ARHGAP15: variants seen among roughly 807,000 people sequenced by gnomAD.
ARHGAP15 encodes Rho GTPase activating protein 15.
ARHGAP15 carries 51 observed loss-of-function variants against 63.7 expected under a neutral mutation model. The observed-to-expected ratio is 0.80, with a 90% CI of 0.64 to 1.01. The LOEUF is 1.01. Ranked by LOEUF, ARHGAP15 falls within the 50% of genes least tolerant of loss-of-function variation. The pLI, the probability that ARHGAP15 is intolerant of heterozygous loss-of-function variation, is 0.00. For missense variants in ARHGAP15, 560 were observed against 564.6 expected (o/e 0.99, Z 0.08); for synonymous variants, 191 against 193.8 (o/e 0.99, Z 0.12).
At chr2:143,558,172 GT>G (rs1695886192) in intron 11 of ARHGAP15, among the ~76,000 whole-genome samples, 1 of 152,136 alleles carries the variant, frequency 6.6e-6, no homozygotes, top group Non-Finnish European at 1.5e-5. Context: ...TCCTCTGAAT[GT>G]TTTTCATAAT....
At chr2:143,197,879 G>T (rs1043390163) in intron 2 of ARHGAP15, among the ~76,000 whole-genome samples, 1 of 151,870 alleles carries the variant, frequency 6.6e-6, no homozygotes, top group African/African-American at 2.4e-5. Flanking sequence ...AAATTCATAA[G>T]TCTGACTCTA....
intron 12 of ARHGAP15, among the ~76,000 whole-genome samples, chr2:143,686,923 G>A (rs527937109): frequency 6.6e-6 from 1 of 152,226 alleles, no homozygotes; most frequent in East Asian, 1.9e-4. Flanking sequence ...TTGTGTTCCC[G>A]TGGACTAGAA....
chr2:143,424,354 G>T (rs959961140), intron 6 of ARHGAP15, among the ~76,000 whole-genome samples: 7 of 152,088 alleles, frequency 4.6e-5, no homozygotes, highest in Non-Finnish European at 1.5e-5. Flanking sequence ...TTACACATTA[G>T]GGATCTATTA....
At chr2:143,394,688 C>T (rs1360909502) in intron 6 of ARHGAP15, among the ~76,000 whole-genome samples, 1 of 151,984 alleles carries the variant, frequency 6.6e-6, no homozygotes, top group African/African-American at 2.4e-5. Flanking sequence ...TTTTTAAATC[C>T]TAGTTGAGGA....
At chr2:143,461,558 G>A (rs893677326) in intron 8 of ARHGAP15, among the ~76,000 whole-genome samples, 1 of 152,032 alleles carries the variant, frequency 6.6e-6, no homozygotes, top group Non-Finnish European at 1.5e-5. Context: ...GAGAAAATTG[G>A]TTTTACTCCC....
chr2:143,720,354 A>G (rs1170183316), intron 13 of ARHGAP15, among the ~76,000 whole-genome samples: 1 of 152,184 alleles, frequency 6.6e-6, no homozygotes, highest in Admixed American at 6.5e-5. Context: ...CGCCGAGGTT[A>G]ACAATCCCTT....
At chr2:143,345,082 ATTTTTTAACT>A (rs1270495973) in intron 6 of ARHGAP15, among the ~76,000 whole-genome samples, 2 of 152,110 alleles carry the variant, frequency 1.3e-5, no homozygotes, top group African/African-American at 4.8e-5. Flanking sequence ...CATTTACCAC[ATTTTTTAACT>A]TTATACTGTT....
At chr2:143,552,064 G>A (rs1304414050) in intron 10 of ARHGAP15, among the ~76,000 whole-genome samples, 2 of 152,178 alleles carry the variant, frequency 1.3e-5, no homozygotes, top group Non-Finnish European at 2.9e-5. Flanking sequence ...GCCGGAGGGA[G>A]AAGCCAGAAG....
chr2:143,202,820 G>C (rs191761553), intron 3 of ARHGAP15, among the ~76,000 whole-genome samples: 1 of 151,972 alleles, frequency 6.6e-6, no homozygotes, highest in Non-Finnish European at 1.5e-5. Flanking sequence ...CTCAACATCC[G>C]TAAGAATGGC....
At chr2:143,416,225 C>T (rs1268661405) in intron 6 of ARHGAP15, among the ~76,000 whole-genome samples, 1 of 151,100 alleles carries the variant, frequency 6.6e-6, no homozygotes, top group Non-Finnish European at 1.5e-5. Context: ...ACATCCTTCA[C>T]ATGTACCCTG....
intron 6 of ARHGAP15, among the ~76,000 whole-genome samples, chr2:143,408,234 TTCC>T (rs1248850613): frequency 4.0e-5 from 6 of 149,714 alleles, no homozygotes; most frequent in Non-Finnish European, 8.9e-5. Context: ...TCCTCCCTTC[TTCC>T]TCCTCCTTTT....
intron 12 of ARHGAP15, among the ~76,000 whole-genome samples, chr2:143,681,694 T>A (rs1292065579): frequency 6.6e-6 from 1 of 152,230 alleles, no homozygotes; most frequent in East Asian, 1.9e-4. Flanking sequence ...TCAGACAATA[T>A]GGTCAATGAG....
intron 2 of ARHGAP15, among the ~76,000 whole-genome samples, chr2:143,174,000 C>A (rs1471631389): frequency 6.6e-6 from 1 of 152,062 alleles, no homozygotes; most frequent in Non-Finnish European, 1.5e-5. Flanking sequence ...GATATGCATT[C>A]TCTTATTGAA....
chr2:143,236,636 AT>A (rs1693662780), intron 5 of ARHGAP15: 1 of 152,172 alleles, frequency 6.6e-6, no homozygotes, highest in Admixed American at 6.5e-5. Context: ...TTTGGACAGG[AT>A]TTGAAATATA....
chr2:143,617,177 C>T (rs1281942871), intron 11 of ARHGAP15, among the ~76,000 whole-genome samples: 1 of 152,144 alleles, frequency 6.6e-6, no homozygotes, highest in East Asian at 1.9e-4. Context: ...AATTATTTTT[C>T]TTCAAATGGA....
In ARHGAP15 at chr2:143,759,766, C is replaced by T. The variant is rs565817594; in HGVS notation, c.1245-8223C>T. On this transcript the variant is annotated intron_variant, in intron 13 of 13. Coordinates refer to ENST00000295095, the MANE Select transcript of ARHGAP15 (RefSeq NM_018460.4). Reference sequence around the variant, plus strand: ...AATCTCCCTTCCTTAGAGAGGGCTTCCCTGAGCACTCCGTCTAATACACGT... The same window carrying T: ...AATCTCCCTTCCTTAGAGAGGGCTTTCCTGAGCACTCCGTCTAATACACGT... Among the ~76,000 whole-genome samples the T allele has an allele frequency of 6.1e-4, 93 of 152,256 alleles. 1 individual carries two copies. The highest frequency in any genetic ancestry group is 3.4e-3 in the Middle Eastern group (1 of 294).
At chr2:143,498,378 A>G (rs976715017) in intron 9 of ARHGAP15, among the ~76,000 whole-genome samples, 9 of 152,178 alleles carry the variant, frequency 5.9e-5, no homozygotes, top group Non-Finnish European at 1.2e-4. Context: ...AGGCCATATC[A>G]GAATTTGGAT....
intron 11 of ARHGAP15, among the ~76,000 whole-genome samples, chr2:143,575,565 G>A (rs779499439): frequency 1.5e-4 from 23 of 152,074 alleles, no homozygotes; most frequent in Non-Finnish European, 3.2e-4. Context: ...CCTACTGTAA[G>A]GACAGCATGG....
Position 143,749,658 on chromosome 2 carries a change from A to C in ARHGAP15, c.1245-18331A>C, listed in dbSNP as rs150155931. Among the ~76,000 whole-genome samples the C allele has an allele frequency of 6.0e-4, 92 of 152,368 alleles. 1 individual carries two copies. The highest frequency in any genetic ancestry group is 2.1e-3 in the African/African-American group (86 of 41,588). On this transcript the variant is annotated intron_variant, in intron 13 of 13. Coordinates refer to ENST00000295095, the MANE Select transcript of ARHGAP15 (RefSeq NM_018460.4). Reference sequence around the variant, plus strand: ...TTACTAAAAGCACACAAATCATATGATTTAGTGCTAATGGGATAGGAGTAA... The same window carrying C: ...TTACTAAAAGCACACAAATCATATGCTTTAGTGCTAATGGGATAGGAGTAA...
Sources: gnomAD v4.1 joint callset for allele counts (sites outside exome capture counted in the v4.1 genomes callset) on GRCh38, gnomAD v4.1.1 for gene constraint, MANE v1.5 for transcripts, NCBI Gene and HGNC (gene_info 2026-07-23, HGNC 2026-07-21) for gene names.